Variants in ARHGAP22 observed in about 807,000 individuals in gnomAD.
ARHGAP22 encodes the protein rho GTPase-activating protein 22.
In ARHGAP22, 48 loss-of-function variants were observed where a neutral mutation model predicts 59.1. The ratio of observed to expected loss-of-function variants is 0.81; its 90% CI spans 0.64 to 1.03. ARHGAP22 has a LOEUF of 1.03. ARHGAP22 is among the 50% of genes least tolerant of loss of function. The pLI is 0.00. For synonymous variants in ARHGAP22, 445 were observed against 416.4 expected, an observed-to-expected ratio of 1.07 and a Z score of -0.84; for missense variants, 1,015 against 958.7, an observed-to-expected ratio of 1.06 and a Z score of -0.78.
intron 1 of ARHGAP22, among the ~76,000 whole-genome samples, chr10:48,641,214 T>C (rs2062031403): frequency 6.6e-6 from 1 of 151,890 alleles, no homozygotes; most frequent in Non-Finnish European, 1.5e-5. Context: ...ATAAAACAAA[T>C]TATAAAATGG....
intron 1 of ARHGAP22, among the ~76,000 whole-genome samples, chr10:48,625,595 C>A (rs952809748): frequency 6.6e-6 from 1 of 152,094 alleles, no homozygotes; most frequent in African/African-American, 2.4e-5. Context: ...CCCTGAAACA[C>A]TTTTCTTCTG....
At chr10:48,551,290 A>G (rs2056873402) in intron 3 of ARHGAP22, among the ~76,000 whole-genome samples, 1 of 152,152 alleles carries the variant, frequency 6.6e-6, no homozygotes, top group Non-Finnish European at 1.5e-5. Flanking sequence ...CTGCACTATG[A>G]GAATTCTAGA....
intron 8 of ARHGAP22, among the ~76,000 whole-genome samples, chr10:48,451,998 T>G (rs2046014137): frequency 6.8e-6 from 1 of 147,962 alleles, no homozygotes; most frequent in Non-Finnish European, 1.5e-5. Context: ...CTCCGCAGCC[T>G]CCCCAAATTC....
chr10:48,633,990 C>G (rs978914721), intron 1 of ARHGAP22, among the ~76,000 whole-genome samples: 2 of 152,226 alleles, frequency 1.3e-5, no homozygotes, highest in Non-Finnish European at 2.9e-5. Context: ...CCCTCACCTT[C>G]TTCCTGGCCA....
chr10:48,539,033 A>G (rs1490380422), intron 3 of ARHGAP22, among the ~76,000 whole-genome samples: 1 of 152,244 alleles, frequency 6.6e-6, no homozygotes, highest in African/African-American at 2.4e-5. Context: ...GAAAAACTCA[A>G]AGGATAATAT....
At chr10:48,654,897 T>C (rs978817353), upstream of ARHGAP22, among the ~76,000 whole-genome samples, 25 of 141,132 alleles carry the variant, frequency 1.8e-4, no homozygotes, top group African/African-American at 6.8e-4. Context: ...TTCTTTTCTC[T>C]CCTCCCTTCC....
chr10:48,488,769 T>C (rs1422320923), intron 3 of ARHGAP22, among the ~76,000 whole-genome samples: 1 of 152,184 alleles, frequency 6.6e-6, no homozygotes, highest in African/African-American at 2.4e-5. Context: ...CAACCTGGGG[T>C]AGTTTTCCTC....
intron 1 of ARHGAP22, among the ~76,000 whole-genome samples, chr10:48,641,913 A>G (rs1190163537): frequency 6.6e-6 from 1 of 152,226 alleles, no homozygotes; most frequent in African/African-American, 2.4e-5. Context: ...ATCAATGTGC[A>G]AAAATCACAA....
In ARHGAP22 at chr10:48,585,439, G is replaced by A. The variant is rs531578495; in HGVS notation, c.35-2287C>T. On this transcript the variant is annotated intron_variant, in intron 1 of 9. Coordinates refer to ENST00000249601, the MANE Select transcript of ARHGAP22 (RefSeq NM_021226.4). ...TCCTTTGACTCTGCTGGACTTCATC[G>A]CTCCCACAGCCTGGTATTGGGTCCA... 1.9e-3 allele frequency among the ~76,000 whole-genome samples: 289 copies of A among 152,158 alleles called. 1 individual carries two copies. Among genetic ancestry groups the A allele is most frequent in the African/African-American group, 6.3e-3 (260 of 41,510 alleles).
At chr10:48,540,710 C>G (rs1352789432) in intron 3 of ARHGAP22, among the ~76,000 whole-genome samples, 1 of 152,104 alleles carries the variant, frequency 6.6e-6, no homozygotes, top group Non-Finnish European at 1.5e-5. Context: ...AGTTTGCAGC[C>G]TGAGAACTAG....
chr10:48,640,803 A>G (rs956712330), intron 1 of ARHGAP22, among the ~76,000 whole-genome samples: 11 of 152,340 alleles, frequency 7.2e-5, no homozygotes, highest in African/African-American at 2.6e-4. Context: ...AGGAAATGGT[A>G]AACATGTGGG....
chr10:48,464,427 G>C (rs887523802), intron 4 of ARHGAP22, among the ~76,000 whole-genome samples: 1 of 152,236 alleles, frequency 6.6e-6, no homozygotes, highest in Non-Finnish European at 1.5e-5. Flanking sequence ...GACATCCACA[G>C]GGTCCTGGGC....
intron 3 of ARHGAP22, chr10:48,524,187 C>G (rs2054103221): frequency 1.9e-6 from 2 of 1,026,040 alleles, no homozygotes; most frequent in Non-Finnish European, 2.4e-6. Flanking sequence ...AGGTCCGGCC[C>G]ACGGGCAGTG....
intron 1 of ARHGAP22, among the ~76,000 whole-genome samples, chr10:48,592,949 A>G (rs2059852057): frequency 6.6e-6 from 1 of 152,268 alleles, no homozygotes; most frequent in Admixed American, 6.5e-5. Flanking sequence ...GAGCTCGCTC[A>G]GAGCAACAGT....
intron 3 of ARHGAP22, among the ~76,000 whole-genome samples, chr10:48,522,086 G>C (rs1323754416): frequency 6.6e-6 from 1 of 152,244 alleles, no homozygotes; most frequent in African/African-American, 2.4e-5. Context: ...AACCCTTGGA[G>C]ACTTTGTACA....
At chr10:48,641,441 A>G (rs1394677804) in intron 1 of ARHGAP22, among the ~76,000 whole-genome samples, 1 of 152,220 alleles carries the variant, frequency 6.6e-6, no homozygotes, top group Non-Finnish European at 1.5e-5. Flanking sequence ...CTGGTTCAAC[A>G]TACGCAAATC....
chr10:48,440,281 A>ACTT, the ARHGAP22 span, among the ~76,000 whole-genome samples: 1 of 152,230 alleles, frequency 6.6e-6, no homozygotes, highest in Non-Finnish European at 1.5e-5. Context: ...ACCAAAAGAT[A>ACTT]CTTCAAATAT....
intron 1 of ARHGAP22, among the ~76,000 whole-genome samples, chr10:48,617,279 AGT>A (rs1335443023): frequency 6.6e-6 from 1 of 152,040 alleles, no homozygotes; most frequent in Non-Finnish European, 1.5e-5. Context: ...CTTCAGTCTC[AGT>A]GTTAGACAGA....
At chr10:48,493,575 C>T in intron 3 of ARHGAP22, 1 of 1,507,346 alleles carries the variant, frequency 6.6e-7, no homozygotes, top group Non-Finnish European at 8.9e-7. Context: ...GTGCACGAGG[C>T]ACTCCTCCAC....
Sources: allele counts gnomAD v4.1 joint callset (sites outside exome capture counted in the v4.1 genomes callset), GRCh38; gene constraint gnomAD v4.1.1; transcripts MANE v1.5; gene names NCBI Gene and HGNC (gene_info 2026-07-23, HGNC 2026-07-21).